FGF12: variants seen among roughly 807,000 people sequenced by gnomAD.
FGF12 encodes the protein fibroblast growth factor 12, also known as fibroblast growth factor 12B.
In FGF12, 14 loss-of-function variants were observed where a neutral mutation model predicts 23.6. That is an observed-to-expected ratio of 0.59 (90% CI 0.39 to 0.93). The LOEUF is 0.93. Among genes scored for constraint, FGF12 ranks in the 40% least tolerant of loss-of-function variants. The pLI is 0.00. For synonymous variants in FGF12, 62 were observed against 77.3 expected, an observed-to-expected ratio of 0.80 and a Z score of 1.04; for missense variants, 175 against 217.8, an observed-to-expected ratio of 0.80 and a Z score of 1.24.
intron 5 of FGF12, among the ~76,000 whole-genome samples, chr3:192,145,525 TGA>T (rs1273410762): frequency 1.3e-5 from 2 of 152,212 alleles, no homozygotes; most frequent in African/African-American, 4.8e-5. Context: ...GTAGTGAGCT[TGA>T]GAGTCTCCAT....
At position 192,408,476 on chromosome 3, in the gene FGF12, C is replaced by G. The variant is rs184600955; in HGVS notation, c.14-47938G>C. On this transcript the variant is annotated intron_variant, in intron 2 of 5. Transcript: ENST00000445105. This position sits in a 1 kb window ranked among gnomAD's most constrained non-coding sequence, Gnocchi z 7.3. ...CTGGCGGCCGGGGGGCGGGGCGGGG[C>G]GGTCCCAGGCCCTCTTGCGAAGTAG... 1.2e-3 allele frequency: 1,580 copies of G among 1,343,290 alleles called. 19 individuals carry two copies. The African/African-American group carries it at 0.021, about 18-fold the overall frequency. The allele number at this position is 1,343,290 out of a possible 1,614,324, so 83.2% of individuals were successfully genotyped here. A position where few individuals can be genotyped will look rare whatever the true frequency, so the allele number is the denominator to read the frequency against.
At chr3:192,684,924 T>A (rs1267604560) in intron 2 of FGF12, among the ~76,000 whole-genome samples, 4 of 152,230 alleles carry the variant, frequency 2.6e-5, no homozygotes, top group African/African-American at 9.6e-5. Context: ...GTTGTTCAAA[T>A]GTCAACTCCC....
At chr3:192,212,009 T>C (rs1280143706) in intron 4 of FGF12, among the ~76,000 whole-genome samples, 1 of 152,234 alleles carries the variant, frequency 6.6e-6, no homozygotes, top group African/African-American at 2.4e-5. Flanking sequence ...AATAGCCCAT[T>C]GTGCAACTTG....
chr3:192,351,090 G>T (rs958448569), intron 3 of FGF12, among the ~76,000 whole-genome samples: 14 of 152,152 alleles, frequency 9.2e-5, no homozygotes, highest in African/African-American at 3.4e-4. Context: ...TGTACTATTT[G>T]CTCTTACAAT....
intron 2 of FGF12, among the ~76,000 whole-genome samples, chr3:192,702,659 G>A (rs1577130433): frequency 1.3e-5 from 2 of 152,092 alleles, no homozygotes; most frequent in South Asian, 4.2e-4. Flanking sequence ...AGGTATGGTG[G>A]CATGCACCTG....
chr3:192,373,027 T>C (rs377021084), intron 2 of FGF12, among the ~76,000 whole-genome samples: 2 of 152,206 alleles, frequency 1.3e-5, no homozygotes, highest in South Asian at 2.1e-4. Context: ...TACAATTTCA[T>C]AGAGGTCTTG....
intron 3 of FGF12, among the ~76,000 whole-genome samples, chr3:192,349,741 T>A (rs181845188): frequency 4.7e-4 from 71 of 152,210 alleles, no homozygotes; most frequent in East Asian, 1.9e-3. Flanking sequence ...TCCTTACTCA[T>A]CCCTTGAATT....
intron 2 of FGF12, among the ~76,000 whole-genome samples, chr3:192,555,441 A>G (rs1711721453): frequency 6.6e-6 from 1 of 152,068 alleles, no homozygotes; most frequent in South Asian, 2.1e-4. Context: ...AAATTGAAAG[A>G]TAAAAGTACA....
chr3:192,246,505 T>C (rs907294661), intron 4 of FGF12, among the ~76,000 whole-genome samples: 8 of 152,036 alleles, frequency 5.3e-5, no homozygotes, highest in African/African-American at 1.7e-4. Context: ...CTGGTTCTAA[T>C]TGACATAAAT....
chr3:192,665,790 A>C (rs961642447), intron 2 of FGF12, among the ~76,000 whole-genome samples: 1 of 151,910 alleles, frequency 6.6e-6, no homozygotes, highest in Admixed American at 6.6e-5. Flanking sequence ...AAAATTTTTA[A>C]AAAAAGAATA....
chr3:192,670,142 T>C (rs1717056998), intron 2 of FGF12, among the ~76,000 whole-genome samples: 1 of 152,194 alleles, frequency 6.6e-6, no homozygotes, highest in African/African-American at 2.4e-5. Flanking sequence ...TTGCCATATA[T>C]TGAATGCAGA....
At chr3:192,378,034 CTTTCTTTCTT>C (rs1719616450) in intron 2 of FGF12, among the ~76,000 whole-genome samples, 1 of 56,172 alleles carries the variant, frequency 1.8e-5, no homozygotes, top group Non-Finnish European at 3.1e-5. Context: ...TCTTTTCTTT[CTTTCTTTCTT>C]TCTTTCTTTC....
At chr3:192,657,272 T>C (rs1716464363) in intron 2 of FGF12, among the ~76,000 whole-genome samples, 1 of 152,160 alleles carries the variant, frequency 6.6e-6, no homozygotes, top group South Asian at 2.1e-4. Flanking sequence ...TTGTTCTGTA[T>C]TAGAGCAAAT....
chr3:192,655,252 G>T (rs1182119468), intron 2 of FGF12, among the ~76,000 whole-genome samples: 1 of 152,152 alleles, frequency 6.6e-6, no homozygotes, highest in African/African-American at 2.4e-5. Context: ...AATGTGCCCA[G>T]CTACATATCC....
At chr3:192,179,074 A>C (rs540451394) in intron 4 of FGF12, among the ~76,000 whole-genome samples, 1 of 152,314 alleles carries the variant, frequency 6.6e-6, no homozygotes, top group African/African-American at 2.4e-5. Flanking sequence ...GTTGTCACGC[A>C]TAATGATATT....
chr3:192,163,598 C>T (rs914815069), intron 5 of FGF12, among the ~76,000 whole-genome samples: 2 of 152,098 alleles, frequency 1.3e-5, no homozygotes, highest in Non-Finnish European at 2.9e-5. Context: ...CCCTGGACAG[C>T]GTTTTAAACC....
At chr3:192,529,021 A>C (rs1299948076) in intron 2 of FGF12, among the ~76,000 whole-genome samples, 1 of 152,146 alleles carries the variant, frequency 6.6e-6, no homozygotes, top group African/African-American at 2.4e-5. Flanking sequence ...GTCTTGGGGA[A>C]CAGTATTCAG....
chr3:192,378,058 C>CTGTCTT, intron 2 of FGF12, among the ~76,000 whole-genome samples: 1 of 110,996 alleles, frequency 9.0e-6, no homozygotes, highest in African/African-American at 5.3e-5. Flanking sequence ...TTCTTTCTTT[C>CTGTCTT]TTTCTTTCTT....
intron 2 of FGF12, among the ~76,000 whole-genome samples, chr3:192,367,587 C>T (rs755026491): frequency 2.4e-4 from 37 of 152,266 alleles, no homozygotes; most frequent in Non-Finnish European, 5.0e-4. Context: ...TGAAAAGGGA[C>T]AGAACTTACC....
Sources: allele counts gnomAD v4.1 joint callset (sites outside exome capture counted in the v4.1 genomes callset), GRCh38; gene constraint gnomAD v4.1.1; non-coding constraint Gnocchi (gnomAD v3.1); transcripts MANE v1.5; gene names NCBI Gene and HGNC (gene_info 2026-07-23, HGNC 2026-07-21).